The following SLC38A4 variants were observed in gnomAD, a reference collection of about 807,000 sequenced individuals.
SLC38A4 encodes solute carrier family 38 member 4.
SLC38A4 carries 20 observed loss-of-function variants against 63.1 expected under a neutral mutation model. The observed-to-expected ratio is 0.32, with a 90% CI of 0.22 to 0.46. SLC38A4 has a LOEUF of 0.46. Among genes scored for constraint, SLC38A4 ranks in the 20% least tolerant of loss-of-function variants. SLC38A4 has a pLI of 1.00. For missense variants in SLC38A4, 526 were observed against 663.6 expected (o/e 0.79, Z 2.28); for synonymous variants, 230 against 225.5 (o/e 1.02, Z -0.18).
chr12:46,789,159 C>G (rs986125955), intron 3 of SLC38A4, among the ~76,000 whole-genome samples: 4 of 151,418 alleles, frequency 2.6e-5, no homozygotes, highest in African/African-American at 7.3e-5. Context: ...CCATTCTCCC[C>G]CTGGCATCAA....
chr12:46,771,333 G>C (rs534530280), intron 14 of SLC38A4, among the ~76,000 whole-genome samples: 5 of 152,196 alleles, frequency 3.3e-5, no homozygotes, highest in African/African-American at 9.6e-5. Context: ...GAATAAATAA[G>C]TATGAGATAT....
chr12:46,785,730 G>A (rs975431077), intron 5 of SLC38A4, among the ~76,000 whole-genome samples: 8 of 127,506 alleles, frequency 6.3e-5, no homozygotes, highest in African/African-American at 1.7e-4. Flanking sequence ...GATGGGGCAC[G>A]AAAATTCCTT....
chr12:46,828,762 G>A (rs1379784892), upstream of SLC38A4, among the ~76,000 whole-genome samples: 1 of 152,142 alleles, frequency 6.6e-6, no homozygotes, highest in Non-Finnish European at 1.5e-5. Flanking sequence ...TAGGAAGATA[G>A]GAATAAAAGA....
At chr12:46,814,084 A>C (rs1939390501) in intron 1 of SLC38A4, among the ~76,000 whole-genome samples, 1 of 152,046 alleles carries the variant, frequency 6.6e-6, no homozygotes. Context: ...TAAATGATGT[A>C]TTGGATATAC....
chr12:46,769,313 G>A lies in SLC38A4; in HGVS notation c.1415C>T (p.Pro472Leu). The change falls in exon 15 of 17, where the codon CCA becomes CTA. Residue 472 changes from proline to leucine, a missense_variant. Transcript: ENST00000266579. The stretch of plus-strand genomic sequence containing the variant: ...GAATCCGAAGATGTATTTTATAGTT[G>A]GCACAAGGATGACCAGAACATTATT... ...ALNNVLVILVPTIKYIFGFIG... is the reference protein window; with the variant it reads ...ALNNVLVILVLTIKYIFGFIG... 1 of 1,613,132 alleles carries A rather than the reference G, an allele frequency of 6.2e-7. No individual in the cohort carries two copies. The highest frequency in any genetic ancestry group is 8.5e-7 in the Non-Finnish European group (1 of 1,179,406).
intron 14 of SLC38A4, among the ~76,000 whole-genome samples, chr12:46,774,129 G>A (rs529567336): frequency 6.6e-6 from 1 of 152,104 alleles, no homozygotes; most frequent in East Asian, 1.9e-4. Flanking sequence ...ATAGTAGTAC[G>A]GATCTGATTT....
chr12:46,820,170 CTTTTG>C (rs747053272), intron 1 of SLC38A4, among the ~76,000 whole-genome samples: 1 of 151,836 alleles, frequency 6.6e-6, no homozygotes, highest in Non-Finnish European at 1.5e-5. Context: ...TCTTTGTGTC[CTTTTG>C]TTTAGTTTTG....
At position 46,779,828 on chromosome 12, in the gene SLC38A4, A is replaced by C; in HGVS notation, c.610T>G (p.Phe204Val). 1 of 1,612,284 alleles carries C rather than the reference A, an allele frequency of 6.2e-7. No homozygotes were observed. The highest frequency in any genetic ancestry group is 8.5e-7 in the Non-Finnish European group (1 of 1,179,016). ...GGAAGAATAATTCCAACAGACACAA[A>C]TATGATGAGGTAGTTGCCATTGAGG... ...WYLNGNYLII[F>V]VSVGIILPLS... Residue 204 changes from phenylalanine to valine, a missense_variant, in exon 9 of 17, where the codon TTT (phenylalanine) becomes GTT (valine). Transcript: ENST00000266579.
At chr12:46,829,136 G>A (rs747866260), upstream of SLC38A4, among the ~76,000 whole-genome samples, 1 of 152,152 alleles carries the variant, frequency 6.6e-6, no homozygotes, top group African/African-American at 2.4e-5. Flanking sequence ...CTGTAAAACA[G>A]AGATAACAAA....
At chr12:46,831,572 C>T (rs1010540975) in intron 1 of SLC38A4, among the ~76,000 whole-genome samples, 1 of 152,184 alleles carries the variant, frequency 6.6e-6, no homozygotes, top group Non-Finnish European at 1.5e-5. Flanking sequence ...TTCAGACTCG[C>T]CCACCGCCCA....
Position 46,766,015 on chromosome 12 carries a change from C to T in SLC38A4, c.*686G>A, listed in dbSNP as rs1938291202. On this transcript the variant is annotated 3_prime_UTR_variant, in exon 17 of 17. Transcript: ENST00000266579. ...TTGCTCTATGATTGAAATAAAGCCC[C>T]TCTCTATATTTAGTGTTTTAACATT... is the stretch of plus-strand genomic sequence containing the variant. 1 of 160,264 alleles carries T rather than the reference C, an allele frequency of 6.2e-6. No individual in the cohort carries two copies. Among genetic ancestry groups the T allele is most frequent in the Admixed American group, 6.1e-5 (1 of 16,488 alleles). The allele number at this position is 160,264 out of a possible 1,614,324, so 9.9% of individuals were successfully genotyped here.
chr12:46,805,140 G>T (rs1045078944), intron 1 of SLC38A4, among the ~76,000 whole-genome samples: 1 of 151,804 alleles, frequency 6.6e-6, no homozygotes, highest in African/African-American at 2.4e-5. Context: ...TGTATAGATC[G>T]TTAAAGTTTT....
Position 46,825,015 on chromosome 12 carries a change from T to C in SLC38A4, c.-305+888A>G, listed in dbSNP as rs536906183. Among the ~76,000 whole-genome samples, 106 of 148,374 alleles carry C rather than the reference T, an allele frequency of 7.1e-4. 1 individual carries two copies. The South Asian group carries it at 0.022, about 31-fold the overall frequency. ...GCCTCTCTGTGCAACTGGATGCAAATATATAATTACTTTAATATACAAAGT... is the reference window on the plus strand; with the variant it reads ...GCCTCTCTGTGCAACTGGATGCAAACATATAATTACTTTAATATACAAAGT... On this transcript the variant is annotated intron_variant, in intron 1 of 16. Transcript: ENST00000266579.
chr12:46,771,122 G>A (rs532392549), intron 14 of SLC38A4, among the ~76,000 whole-genome samples: 1 of 152,220 alleles, frequency 6.6e-6, no homozygotes, highest in African/African-American at 2.4e-5. Context: ...TGAACATTAT[G>A]AAACTCATTC....
rs778618009 is a variant in SLC38A4 at position 46,784,522 on chromosome 12, T to C, written c.493+20A>G. On this transcript the variant is annotated intron_variant, in intron 7 of 16. Coordinates refer to ENST00000266579, the MANE Select transcript of SLC38A4 (RefSeq NM_018018.5). ...GCTATAGAAAGTTTATGGGATCCAT[T>C]GAAAAGTATATCCCCTTACCTCCAA... 2 of 1,588,470 alleles carry C rather than the reference T, an allele frequency of 1.3e-6. No homozygotes were observed. The highest frequency in any genetic ancestry group is 2.3e-5 in the South Asian group (2 of 86,398).
chr12:46,785,698 A>C (rs999018694), intron 5 of SLC38A4, among the ~76,000 whole-genome samples: 2 of 149,198 alleles, frequency 1.3e-5, no homozygotes, highest in African/African-American at 4.9e-5. Context: ...CATATATAAT[A>C]GAGAAAGCAG....
intron 1 of SLC38A4, among the ~76,000 whole-genome samples, chr12:46,820,362 C>G (rs1029577845): frequency 6.6e-6 from 1 of 152,006 alleles, no homozygotes; most frequent in Admixed American, 6.6e-5. Flanking sequence ...CTGGTAACCA[C>G]CATTCTATTC....
At position 46,785,084 on chromosome 12, in the gene SLC38A4, G is replaced by A. The variant is rs770465608; in HGVS notation, c.400+20C>T. The A allele has an allele frequency of 6.4e-7, 1 of 1,567,390 alleles. No individual in the cohort carries two copies. The highest frequency in any genetic ancestry group is 2.2e-5 in the East Asian group (1 of 44,560). On this transcript the variant is annotated intron_variant, in intron 6 of 16. Coordinates refer to ENST00000266579, the MANE Select transcript of SLC38A4 (RefSeq NM_018018.5). Reference sequence around the variant, plus strand: ...TATGAGAATTAAAATAGAATGTGTTGGACTCAAGTGGTAGCATACCTCCTT... The same window carrying A: ...TATGAGAATTAAAATAGAATGTGTTAGACTCAAGTGGTAGCATACCTCCTT...
At chr12:46,804,010 T>A (rs1223010745) in intron 1 of SLC38A4, among the ~76,000 whole-genome samples, 2 of 152,072 alleles carry the variant, frequency 1.3e-5, no homozygotes, top group Non-Finnish European at 2.9e-5. Flanking sequence ...AAAAGACTTA[T>A]GAATTGAAGT....
Sources: gnomAD v4.1 joint callset for allele counts (sites outside exome capture counted in the v4.1 genomes callset) on GRCh38, gnomAD v4.1.1 for gene constraint, MANE v1.5 for transcripts, NCBI Gene and HGNC (gene_info 2026-07-23, HGNC 2026-07-21) for gene names.